SCFD2: variants seen among roughly 807,000 people sequenced by gnomAD.
The protein encoded by SCFD2 is sec1 family domain-containing protein 2.
A neutral mutation model predicts 58.9 loss-of-function variants in SCFD2; 54 were observed. That is an observed-to-expected ratio of 0.92 (90% CI 0.74 to 1.15). The LOEUF (loss-of-function observed/expected upper bound fraction) is 1.15. Ranked by LOEUF, SCFD2 falls within the 50% of genes most tolerant of loss-of-function variation. The pLI is 0.00. For missense variants in SCFD2, 805 were observed against 836.6 expected, an observed-to-expected ratio of 0.96 and a Z score of 0.47; for synonymous variants, 321 against 335.9, an observed-to-expected ratio of 0.96 and a Z score of 0.49.
chr4:53,307,912 G>A (rs780822730), intron 3 of SCFD2, among the ~76,000 whole-genome samples: 4 of 152,130 alleles, frequency 2.6e-5, no homozygotes, highest in Non-Finnish European at 5.9e-5. Context: ...AAGCAGAAAC[G>A]AAGGAGAAGG....
chr4:53,029,428 T>C (rs113341075), intron 5 of SCFD2, among the ~76,000 whole-genome samples: 26 of 152,334 alleles, frequency 1.7e-4, no homozygotes, highest in African/African-American at 5.5e-4. Context: ...TCTAATATTT[T>C]CTTTCTTTTC....
At chr4:53,238,433 G>A (rs1225505947) in intron 4 of SCFD2, among the ~76,000 whole-genome samples, 3 of 147,700 alleles carry the variant, frequency 2.0e-5, no homozygotes, top group Non-Finnish European at 3.0e-5. Context: ...CCGGATGGGC[G>A]GCTGGCCGGG....
rs186710507 is a variant in SCFD2 at position 53,207,029 on chromosome 4, T to A, written c.1312-61447A>T. The stretch of plus-strand genomic sequence containing the variant: ...GCCTCCTTGCTGCATCATAACATGG[T>A]GGCAGGTATGGCATGGCGAGAGGGC... On this transcript the variant is annotated intron_variant, in intron 4 of 8. Coordinates refer to ENST00000401642, the MANE Select transcript of SCFD2 (RefSeq NM_152540.4). Among the ~76,000 whole-genome samples, 49 of 152,078 alleles carry A rather than the reference T, an allele frequency of 3.2e-4. No individual in the cohort carries two copies. The East Asian group carries it at 9.1e-3, about 28-fold the overall frequency.
At chr4:52,968,693 T>TA (rs1223812689) in intron 5 of SCFD2, among the ~76,000 whole-genome samples, 12 of 152,118 alleles carry the variant, frequency 7.9e-5, no homozygotes, top group African/African-American at 2.4e-4. Flanking sequence ...ATTGGACAGG[T>TA]ATGAGGGGGA....
chr4:53,235,305 T>A (rs546472504), intron 4 of SCFD2, among the ~76,000 whole-genome samples: 1 of 152,368 alleles, frequency 6.6e-6, no homozygotes, highest in South Asian at 2.1e-4. Flanking sequence ...CACAATGAGA[T>A]ATCTCTCCAG....
chr4:52,877,307 T>C (rs1462500270), intron 8 of SCFD2, among the ~76,000 whole-genome samples: 1 of 151,904 alleles, frequency 6.6e-6, no homozygotes, highest in African/African-American at 2.4e-5. Context: ...GCCTGCTCTG[T>C]GGAGGGGTGA....
At chr4:53,202,016 G>A (rs780926073) in intron 4 of SCFD2, among the ~76,000 whole-genome samples, 6 of 152,152 alleles carry the variant, frequency 3.9e-5, no homozygotes, top group Non-Finnish European at 5.9e-5. Flanking sequence ...CTGTGCAGAA[G>A]CTCTTTAGTT....
chr4:53,148,635 C>A (rs1726409532), intron 4 of SCFD2, among the ~76,000 whole-genome samples: 1 of 152,202 alleles, frequency 6.6e-6, no homozygotes, highest in African/African-American at 2.4e-5. Flanking sequence ...CTTTCTCCCC[C>A]TTTTCTTTTT....
intron 2 of SCFD2, among the ~76,000 whole-genome samples, chr4:53,338,310 T>G (rs1170471333): frequency 1.3e-5 from 2 of 152,202 alleles, no homozygotes; most frequent in Admixed American, 1.3e-4. Flanking sequence ...TAAAAAGTAC[T>G]GGAAGAAATA....
intron 2 of SCFD2, among the ~76,000 whole-genome samples, chr4:53,338,558 G>T (rs1577982596): frequency 7.4e-6 from 1 of 135,766 alleles, no homozygotes; most frequent in South Asian, 2.5e-4. Context: ...GAGGCCAAAA[G>T]AAAGCAGTAT....
chr4:53,024,648 T>G (rs1722427393), intron 5 of SCFD2, among the ~76,000 whole-genome samples: 1 of 152,242 alleles, frequency 6.6e-6, no homozygotes, highest in African/African-American at 2.4e-5. Context: ...TTCCCATGTT[T>G]TTTTCAGCAA....
chr4:53,120,723 G>T (rs535182788), intron 5 of SCFD2, among the ~76,000 whole-genome samples: 3 of 152,076 alleles, frequency 2.0e-5, no homozygotes, highest in Non-Finnish European at 4.4e-5. Flanking sequence ...ATGAGAAAAA[G>T]AAAATTTATT....
chr4:52,931,305 G>C (rs1719988217), intron 5 of SCFD2, among the ~76,000 whole-genome samples: 1 of 152,176 alleles, frequency 6.6e-6, no homozygotes, highest in African/African-American at 2.4e-5. Context: ...AGACTACTTG[G>C]ATCTGGTTGT....
chr4:53,272,124 C>T (rs1264931345), intron 4 of SCFD2, among the ~76,000 whole-genome samples: 7 of 152,110 alleles, frequency 4.6e-5, no homozygotes, highest in Non-Finnish European at 7.4e-5. Context: ...CACTGGCCAT[C>T]GGAGAAATGC....
At chr4:53,181,146 A>T (rs1207208804) in intron 4 of SCFD2, among the ~76,000 whole-genome samples, 3 of 152,188 alleles carry the variant, frequency 2.0e-5, no homozygotes, top group Non-Finnish European at 2.9e-5. Context: ...ATCCTCCCTA[A>T]CTCATGTTAT....
intron 5 of SCFD2, among the ~76,000 whole-genome samples, chr4:53,096,354 T>C (rs1005414022): frequency 1.3e-5 from 2 of 152,236 alleles, no homozygotes; most frequent in Admixed American, 1.3e-4. Flanking sequence ...AGTGTTCTTA[T>C]TTCTCCACAT....
At chr4:53,145,637 T>C in intron 4 of SCFD2, 55 bp from the exon 5 acceptor site, 1 of 1,480,584 alleles carries the variant, frequency 6.8e-7, no homozygotes, top group Non-Finnish European at 9.3e-7. Context: ...ACATAATTTA[T>C]GGATTACATT....
At chr4:53,081,489 A>G (rs1239927962) in intron 5 of SCFD2, among the ~76,000 whole-genome samples, 1 of 152,152 alleles carries the variant, frequency 6.6e-6, no homozygotes, top group Admixed American at 6.6e-5. Flanking sequence ...TATAAGTGAG[A>G]ACATGTGGTA....
chr4:53,048,441 G>A (rs1564678), intron 5 of SCFD2, among the ~76,000 whole-genome samples: 148,891 of 152,264 alleles, frequency 0.98, 72,886 homozygotes, highest in Middle Eastern at 1. Flanking sequence ...GTCTTGACCT[G>A]AAAAAATGAA....
Sources: allele counts gnomAD v4.1 joint callset (sites outside exome capture counted in the v4.1 genomes callset), GRCh38; gene constraint gnomAD v4.1.1; transcripts MANE v1.5; gene names NCBI Gene and HGNC (gene_info 2026-07-23, HGNC 2026-07-21).